MAGI2: variants seen among roughly 807,000 people sequenced by gnomAD.
MAGI2 encodes the protein membrane-associated guanylate kinase, WW and PDZ domain-containing protein 2.
A neutral mutation model predicts 133.3 loss-of-function variants in MAGI2; 35 were observed. The observed-to-expected ratio is 0.26, with a 90% CI of 0.20 to 0.35. The LOEUF is 0.35. Ranked by LOEUF, MAGI2 falls within the 10% of genes least tolerant of loss-of-function variation. The probability of loss-of-function intolerance (pLI) is 1.00; values close to 1 mark genes in which losing one functional copy is unlikely to be tolerated. For missense variants in MAGI2, 1,636 were observed against 1,863.4 expected (o/e 0.88, Z 2.25); for synonymous variants, 729 against 710.6 (o/e 1.03, Z -0.41).
intron 3 of MAGI2, among the ~76,000 whole-genome samples, chr7:78,525,374 G>A: frequency 6.6e-6 from 1 of 152,078 alleles, no homozygotes; most frequent in East Asian, 1.9e-4. Flanking sequence ...ACCAATGGTT[G>A]AAGAATTAGC....
At chr7:78,495,213 C>T (rs1205324376) in intron 5 of MAGI2, among the ~76,000 whole-genome samples, 2 of 152,100 alleles carry the variant, frequency 1.3e-5, no homozygotes, top group African/African-American at 4.8e-5. Context: ...GCTGCACCCA[C>T]CAACCTGTCA....
At chr7:78,938,317 T>C (rs1436049428) in intron 2 of MAGI2, among the ~76,000 whole-genome samples, 3 of 152,058 alleles carry the variant, frequency 2.0e-5, no homozygotes, top group East Asian at 1.9e-4. Flanking sequence ...GGAAAAGATA[T>C]TATATAACGA....
At chr7:79,108,045 G>A (rs1159732911) in intron 1 of MAGI2, among the ~76,000 whole-genome samples, 1 of 152,168 alleles carries the variant, frequency 6.6e-6, no homozygotes, top group Non-Finnish European at 1.5e-5. Flanking sequence ...ATATGACTAA[G>A]AAGTTTCAAA....
At chr7:78,308,093 A>G (rs1798391736) in intron 9 of MAGI2, among the ~76,000 whole-genome samples, 1 of 152,228 alleles carries the variant, frequency 6.6e-6, no homozygotes, top group Non-Finnish European at 1.5e-5. Context: ...TGAATTTCTA[A>G]TACTCAGCAT....
intron 6 of MAGI2, among the ~76,000 whole-genome samples, chr7:78,433,811 C>T (rs564017827): frequency 2.6e-5 from 4 of 152,052 alleles, no homozygotes; most frequent in East Asian, 1.9e-4. Context: ...AGCCAGAATA[C>T]GATTTAGAGT....
At position 78,019,707 on chromosome 7, in the gene MAGI2, G is replaced by A; in HGVS notation, c.3976C>T (p.Pro1326Ser). The A allele has an allele frequency of 1.9e-6, 3 of 1,579,304 alleles. No homozygotes were observed. The highest frequency in any genetic ancestry group is 2.6e-6 in the Non-Finnish European group (3 of 1,168,976). ...RSASPQRAAR[P>S]RLEEAPGGQG... ...CCGCCGGGCGCCTCCTCGAGCCTCG[G>A]CCGCGCGGCCCTCTGCGGACTCGCC... The change falls in exon 22 of 22, where the codon CCG becomes TCG. Residue 1326 changes from proline to serine, a missense_variant. By Grantham distance (74) the Pro-to-Ser change is moderately conservative. Coordinates refer to ENST00000354212, the MANE Select transcript of MAGI2 (RefSeq NM_012301.4).
At position 78,176,162 on chromosome 7, in the gene MAGI2, T is replaced by C. The variant is rs114802873; in HGVS notation, c.2403+1849A>G. Among the ~76,000 whole-genome samples, 1,169 of 152,244 alleles carry C rather than the reference T, an allele frequency of 7.7e-3. 14 individuals are homozygous for C. The highest frequency in any genetic ancestry group is 0.026 in the African/African-American group (1,099 of 41,550). Reference sequence around the variant, plus strand: ...AGTAAAACACAGCCAAGAGTTCCTTTTCCTTGTGACATGAGATTCTTAATT... The same window carrying C: ...AGTAAAACACAGCCAAGAGTTCCTTCTCCTTGTGACATGAGATTCTTAATT... On this transcript the variant is annotated intron_variant, in intron 14 of 21. Coordinates refer to ENST00000354212, the MANE Select transcript of MAGI2 (RefSeq NM_012301.4).
intron 2 of MAGI2, among the ~76,000 whole-genome samples, chr7:78,756,389 C>A (rs1315307054): frequency 2.0e-5 from 3 of 151,734 alleles, no homozygotes; most frequent in African/African-American, 7.3e-5. Context: ...CTGTAAATAA[C>A]TGTTTATTCT....
intron 3 of MAGI2, among the ~76,000 whole-genome samples, chr7:78,585,854 C>T (rs1803343688): frequency 6.6e-6 from 1 of 152,146 alleles, no homozygotes; most frequent in Admixed American, 6.5e-5. Flanking sequence ...TAAGCAACTG[C>T]TAACTTCATG....
chr7:78,557,751 G>T (rs1033430759), intron 3 of MAGI2, among the ~76,000 whole-genome samples: 3 of 152,270 alleles, frequency 2.0e-5, no homozygotes, highest in African/African-American at 7.2e-5. Flanking sequence ...CAGTAATAAA[G>T]GTTTTTCTTT....
In MAGI2 at chr7:78,938,548, G is replaced by A. The variant is rs374501950; in HGVS notation, c.418+68542C>T. ...GCACACAAAATAAGAAATGATACATGATTGAAACTAAAGGCTGAGTGGGGA... is the reference window on the plus strand; with the variant it reads ...GCACACAAAATAAGAAATGATACATAATTGAAACTAAAGGCTGAGTGGGGA... On this transcript the variant is annotated intron_variant, in intron 2 of 21. Coordinates refer to ENST00000354212, the MANE Select transcript of MAGI2 (RefSeq NM_012301.4). 2.8e-4 allele frequency among the ~76,000 whole-genome samples: 43 copies of A among 152,172 alleles called. No homozygotes were observed. In the South Asian group the frequency reaches 5.8e-3, roughly 21 times the overall value.
intron 2 of MAGI2, among the ~76,000 whole-genome samples, chr7:78,655,615 A>T (rs556425424): frequency 3.3e-5 from 5 of 152,126 alleles, no homozygotes; most frequent in African/African-American, 1.2e-4. Flanking sequence ...CCATGCACAG[A>T]CTCCAATATG....
chr7:78,311,095 G>A (rs1439141755), intron 9 of MAGI2, among the ~76,000 whole-genome samples: 3 of 152,156 alleles, frequency 2.0e-5, no homozygotes, highest in African/African-American at 4.8e-5. Context: ...ATTTACTGAT[G>A]AGAAACCAAA....
At chr7:78,764,947 G>A (rs1309901697) in intron 2 of MAGI2, among the ~76,000 whole-genome samples, 1 of 152,198 alleles carries the variant, frequency 6.6e-6, no homozygotes, top group African/African-American at 2.4e-5. Flanking sequence ...ATCTTCGGAT[G>A]AGACCTAGAA....
chr7:78,500,421 C>A (rs1326981610), intron 5 of MAGI2, among the ~76,000 whole-genome samples: 1 of 152,112 alleles, frequency 6.6e-6, no homozygotes, highest in Non-Finnish European at 1.5e-5. Context: ...AAGGGTTGTT[C>A]ATTCACATTA....
chr7:78,165,320 T>C (rs189802202), intron 15 of MAGI2, among the ~76,000 whole-genome samples: 107 of 150,332 alleles, frequency 7.1e-4, no homozygotes, highest in Non-Finnish European at 1.2e-3. Flanking sequence ...GTGAGACCTT[T>C]TCTCAAAAAA....
In MAGI2 at chr7:78,335,115, T is replaced by G. The variant is rs186039231; in HGVS notation, c.1408+8663A>C. ...CAGAGACCATCTGGTCTGCAAAACCTAAAATGTTTTATCTAAGTATTTACT... is the reference window on the plus strand; with the variant it reads ...CAGAGACCATCTGGTCTGCAAAACCGAAAATGTTTTATCTAAGTATTTACT... On this transcript the variant is annotated intron_variant, in intron 9 of 21. Transcript: ENST00000354212. 9.8e-5 allele frequency among the ~76,000 whole-genome samples: 15 copies of G among 152,348 alleles called. No individual in the cohort carries two copies. The East Asian group carries it at 2.9e-3, about 29-fold the overall frequency.
chr7:78,792,374 T>C (rs552039971), intron 2 of MAGI2, among the ~76,000 whole-genome samples: 3 of 152,326 alleles, frequency 2.0e-5, no homozygotes, highest in East Asian at 1.9e-4. Context: ...CAACACCTTA[T>C]ATAATTATTT....
chr7:78,491,871 T>TTGTGTGTGTGTGTGTGTGTGTGTGTGTG (rs10598552), intron 5 of MAGI2, among the ~76,000 whole-genome samples: 1 of 141,108 alleles, frequency 7.1e-6, no homozygotes, highest in African/African-American at 2.6e-5. Context: ...TCCGTTCAAA[T>TTGTGTGTGTGTGTGTGTGTGTGTGTGTG]TGTGTGTGTG....
Sources: gnomAD v4.1 joint callset for allele counts (sites outside exome capture counted in the v4.1 genomes callset) on GRCh38, gnomAD v4.1.1 for gene constraint, MANE v1.5 for transcripts, NCBI Gene and HGNC (gene_info 2026-07-23, HGNC 2026-07-21) for gene names.